The following B4GALNT4 variants were observed in gnomAD, a reference collection of about 807,000 sequenced individuals.
B4GALNT4 encodes the protein beta-1,4-N-acetyl-galactosaminyltransferase 4.
B4GALNT4 carries 77 observed loss-of-function variants against 110.0 expected under a neutral mutation model. The observed-to-expected ratio is 0.70, with a 90% CI of 0.58 to 0.85. The LOEUF (loss-of-function observed/expected upper bound fraction) is 0.85, where lower values mean the gene tolerates loss of function less well. Among genes scored for constraint, B4GALNT4 ranks in the 40% least tolerant of loss-of-function variants. The pLI is 0.00. For synonymous variants in B4GALNT4, 785 were observed against 655.5 expected (o/e 1.20, Z -3.02); for missense variants, 1,575 against 1,506.0 (o/e 1.05, Z -0.76).
Position 376,830 on chromosome 11 carries a change from A to G in B4GALNT4, c.1707A>G (p.Pro569=). 2 of 1,340,534 alleles carry G rather than the reference A, an allele frequency of 1.5e-6. No individual in the cohort carries two copies. Among genetic ancestry groups the G allele is most frequent in the South Asian group, 3.4e-5 (2 of 58,780 alleles). 83.0% of individuals were successfully genotyped at this position (1,340,534 alleles called of 1,614,324 possible). A position where few individuals can be genotyped will look rare whatever the true frequency, so the allele number is the denominator to read the frequency against. Reference sequence around the variant, plus strand: ...CCAGAGTGCAGCTGCGGGCGCCCCCACGCCCACCCCGGCCCCACGGCCGCA... The same window carrying G: ...CCAGAGTGCAGCTGCGGGCGCCCCCGCGCCCACCCCGGCCCCACGGCCGCA... The part of the protein sequence containing the change: ...PLPRVQLRAP[P]RPPRPHGRRT... Residue 569 remains proline, a synonymous_variant, in exon 14 of 20, where the codon CCA becomes CCG. Coordinates refer to ENST00000329962, the MANE Select transcript of B4GALNT4 (RefSeq NM_178537.5).
chr11:370,538 A>G (rs1311357923), intron 1 of B4GALNT4, among the ~76,000 whole-genome samples: 1 of 152,066 alleles, frequency 6.6e-6, no homozygotes, highest in Non-Finnish European at 1.5e-5. Context: ...AAACTCTCCC[A>G]ACCCCAACCC....
intron 14 of B4GALNT4, among the ~76,000 whole-genome samples, chr11:377,640 C>A (rs1024447203): frequency 6.6e-6 from 1 of 152,236 alleles, no homozygotes; most frequent in African/African-American, 2.4e-5. Context: ...TGAGTCCAAG[C>A]TGCAGAGATC....
Position 377,191 on chromosome 11 carries a change from G to C in B4GALNT4, c.2068G>C (p.Ala690Pro). The change falls in exon 14 of 20, where the codon GCC becomes CCC. Residue 690 changes from alanine (A) to proline (P), a missense_variant. Physicochemically the swap from Ala to Pro is conservative, Grantham distance 27. Transcript: ENST00000329962. ...CTGGCAGCGCACGTTCAGCGTGGGC[G>C]CCGTGGACTTCGAGCTGCTGCGCTC... ...IDWQRTFSVG[A>P]VDFELLRSDW... is the part of the protein sequence containing the mutation. 1 of 1,586,578 alleles carries C rather than the reference G, an allele frequency of 6.3e-7. No homozygotes were observed.
At position 379,625 on chromosome 11, in the gene B4GALNT4, C is replaced by T. The variant is rs772295611; in HGVS notation, c.2412C>T (p.Pro804=). 5 of 1,524,400 alleles carry T rather than the reference C, an allele frequency of 3.3e-6. No individual in the cohort carries two copies. The African/African-American group carries it at 5.6e-5, about 17-fold the overall frequency. The allele number at this position is 1,524,400 out of a possible 1,614,324, so 94.4% of individuals were successfully genotyped here. A position where few individuals can be genotyped will look rare whatever the true frequency, so the allele number is the denominator to read the frequency against. ...PEPAPAASVR[P]DGRPELCRPL... ...CCGCTCCCGCCGCCTCCGTGCGCCCCGACGGCCGCCCCGAGCTCTGCCGGC... is the reference window on the plus strand; with the variant it reads ...CCGCTCCCGCCGCCTCCGTGCGCCCTGACGGCCGCCCCGAGCTCTGCCGGC... Residue 804 remains proline, a synonymous_variant, in exon 15 of 20, where the codon CCC becomes CCT. Coordinates refer to ENST00000329962, the MANE Select transcript of B4GALNT4 (RefSeq NM_178537.5).
intron 18 of B4GALNT4, 46 bp downstream of exon 18, chr11:380,491 A>G: frequency 1.3e-6 from 2 of 1,540,856 alleles, no homozygotes; most frequent in East Asian, 4.9e-5. Flanking sequence ...GTTCCCACCA[A>G]CCGCCGCGGT....
rs141619740 is a variant in B4GALNT4, at chr11:373,135, C to T, written c.535+19C>T. The T allele has an allele frequency of 2.5e-3, 4,059 of 1,612,508 alleles. 5 individuals are homozygous for T. The highest frequency in any genetic ancestry group is 3.2e-3 in the Non-Finnish European group (3,742 of 1,179,826). On this transcript the variant is annotated intron_variant, in intron 5 of 19. Coordinates refer to ENST00000329962, the MANE Select transcript of B4GALNT4 (RefSeq NM_178537.5). ...AGGGACGGTACGGGGGTGAGGGTGC[C>T]CCGGGGGAGGGGTGCCGTGAGGCTC...
intron 8 of B4GALNT4, 35 bp downstream of exon 8, chr11:373,863 C>T: frequency 6.3e-7 from 1 of 1,597,146 alleles, no homozygotes; most frequent in Non-Finnish European, 8.6e-7. Context: ...CTTCTGGAGA[C>T]TCCACTCCCC....
chr11:373,403 A>ACTGGGGGGGG, intron 6 of B4GALNT4, 46 bp from the exon 7 acceptor site: 5 of 1,259,464 alleles, frequency 4.0e-6, no homozygotes, highest in South Asian at 1.2e-5. Context: ...CCAGGGAGAG[A>ACTGGGGGGGG]GTGAACCCCC....
chr11:376,810 G>A lies in B4GALNT4; in HGVS notation c.1687G>A (p.Val563Met). 1 of 1,363,362 alleles carries A rather than the reference G, an allele frequency of 7.3e-7. No individual in the cohort carries two copies. The highest frequency in any genetic ancestry group is 9.5e-7 in the Non-Finnish European group (1 of 1,056,818). The allele number at this position is 1,363,362 out of a possible 1,614,324, so 84.5% of individuals were successfully genotyped here. A position where few individuals can be genotyped will look rare whatever the true frequency, so the allele number is the denominator to read the frequency against. ...CCTGCACCCCAGGCCTCTGCCCAGA[G>A]TGCAGCTGCGGGCGCCCCCACGCCC... is the stretch of plus-strand genomic sequence containing the variant. ...VFLHPRPLPR[V>M]QLRAPPRPPR... Residue 563 changes from valine to methionine, a missense_variant, in exon 14 of 20, where the codon GTG (valine) becomes ATG (methionine). Physicochemically the swap from Val to Met is conservative, Grantham distance 21. Transcript: ENST00000329962.
In B4GALNT4 at chr11:375,491, G is replaced by C; in HGVS notation, c.814G>C (p.Glu272Gln). ...WRAFLPGLKF[E>Q]VISSAHISLY... ...AGCTTTCCTGCCCGGCCTGAAGTTC[G>C]AGGTCATCAGCTCTGCTCACATCTC... The change falls in exon 9 of 20, where the codon GAG (glutamate) becomes CAG (glutamine). Residue 272 changes from glutamate (E) to glutamine (Q), a missense_variant. By Grantham distance (29) the Glu-to-Gln change is conservative. Coordinates refer to ENST00000329962, the MANE Select transcript of B4GALNT4 (RefSeq NM_178537.5). The C allele has an allele frequency of 1.2e-6, 2 of 1,611,728 alleles. No homozygotes were observed. The highest frequency in any genetic ancestry group is 1.1e-5 in the South Asian group (1 of 91,078).
intron 14 of B4GALNT4, 104 bp from the exon 15 acceptor site, chr11:379,314 C>T: frequency 4.6e-6 from 6 of 1,306,586 alleles, no homozygotes; most frequent in Non-Finnish European, 6.0e-6. Flanking sequence ...CCGCAGCCTC[C>T]GCCAACTCCA....
chr11:380,718 AT>A (rs771365515), intron 18 of B4GALNT4, 106 bp from the exon 19 acceptor site: 539 of 1,566,820 alleles, frequency 3.4e-4, no homozygotes, highest in Non-Finnish European at 4.5e-4. Context: ...CCCCGTGGTG[AT>A]GGGACCCGGC....
chr11:371,191 A>T (rs1846612465), intron 1 of B4GALNT4, among the ~76,000 whole-genome samples: 1 of 152,148 alleles, frequency 6.6e-6, no homozygotes, highest in Non-Finnish European at 1.5e-5. Context: ...GCACCTGTAC[A>T]CTTGCTACCT....
Position 372,854 on chromosome 11 carries a change from C to T in B4GALNT4, c.351C>T (p.Tyr117=). ...THQTPPWREE[Y]KGQVNLHVFE... is the part of the protein sequence containing the mutation. ...AGGTAAGGCCCCCCCATCCCCAGTA[C>T]AAGGGGCAGGTGAACCTGCACGTGT... Residue 117 remains tyrosine, a splice_region_variant and synonymous_variant, in exon 4 of 20, where the codon TAC becomes TAT. Coordinates refer to ENST00000329962, the MANE Select transcript of B4GALNT4 (RefSeq NM_178537.5). 1 of 1,610,668 alleles carries T rather than the reference C, an allele frequency of 6.2e-7. No homozygotes were observed. Among genetic ancestry groups the T allele is most frequent in the South Asian group, 1.1e-5 (1 of 90,910 alleles).
At position 375,681 on chromosome 11, in the gene B4GALNT4, A is replaced by C; in HGVS notation, c.893A>C (p.Gln298Pro). Residue 298 changes from glutamine to proline, a missense_variant, in exon 10 of 20, where the codon CAG becomes CCG. Coordinates refer to ENST00000329962, the MANE Select transcript of B4GALNT4 (RefSeq NM_178537.5). The part of the protein sequence containing the change: ...LKMDHVAHVP[Q>P]SPASHVGGRP... ...ATGGACCACGTGGCGCACGTCCCCC[A>C]GTCTCCAGCCAGCCACGTGGGGGGG... is the stretch of plus-strand genomic sequence containing the variant. The C allele has an allele frequency of 6.3e-7, 1 of 1,594,036 alleles. No individual in the cohort carries two copies. The highest frequency in any genetic ancestry group is 2.2e-5 in the East Asian group (1 of 44,690).
At position 376,444 on chromosome 11, in the gene B4GALNT4, G is replaced by A. The variant is rs149273649; in HGVS notation, c.1321G>A (p.Gly441Arg). Residue 441 changes from glycine to arginine, a missense_variant, in exon 14 of 20, where the codon GGG becomes AGG. Physicochemically the swap from Gly to Arg is moderately radical, Grantham distance 125 (BLOSUM62 -2). Transcript: ENST00000329962. ...PDDFLDDEDEGELLDSLEPTE... is the reference protein window; with the variant it reads ...PDDFLDDEDERELLDSLEPTE... Reference sequence around the variant, plus strand: ...AGACTTCCTGGACGACGAGGACGAGGGGGAGCTGCTCGACAGCCTGGAGCC... The same window carrying A: ...AGACTTCCTGGACGACGAGGACGAGAGGGAGCTGCTCGACAGCCTGGAGCC... 1.5e-5 allele frequency: 24 copies of A among 1,596,392 alleles called. 1 individual carries two copies. The African/African-American group carries it at 2.9e-4, about 20-fold the overall frequency.
At position 379,573 on chromosome 11, in the gene B4GALNT4, G is replaced by T. The variant is rs1316787870; in HGVS notation, c.2360G>T (p.Gly787Val). 1.3e-6 allele frequency: 2 copies of T among 1,587,572 alleles called. No individual in the cohort carries two copies. The highest frequency in any genetic ancestry group is 2.2e-5 in the South Asian group (2 of 89,608). ...VFLRLPGARV[G>V]DADGESPEPA... is the part of the protein sequence containing the mutation. ...CTGCGGCTGCCGGGAGCCCGCGTAG[G>T]GGATGCAGACGGAGAAAGTCCCGAA... is the stretch of plus-strand genomic sequence containing the variant. The change falls in exon 15 of 20, where the codon GGG (glycine) becomes GTG (valine). Residue 787 changes from glycine to valine, a missense_variant. Coordinates refer to ENST00000329962, the MANE Select transcript of B4GALNT4 (RefSeq NM_178537.5).
chr11:372,898 G>T lies in B4GALNT4; in HGVS notation c.395G>T (p.Gly132Val). 1 of 1,612,258 alleles carries T rather than the reference G, an allele frequency of 6.2e-7. No homozygotes were observed. Residue 132 changes from glycine (G) to valine (V), a missense_variant, in exon 4 of 20, where the codon GGC becomes GTC. Gly to Val is a moderately radical substitution (Grantham distance 109). Coordinates refer to ENST00000329962, the MANE Select transcript of B4GALNT4 (RefSeq NM_178537.5). ...CACGTGTTTGAGGACTGGTGTGGGG[G>T]CGCCGTGGGCCACCTGAGGAGGAAC... Reference protein sequence around the residue: ...NLHVFEDWCGGAVGHLRRNLH... With the variant: ...NLHVFEDWCGVAVGHLRRNLH...
rs776748101 is a variant in B4GALNT4, at chr11:373,525, C to G, written c.704+9C>G. On this transcript the variant is annotated intron_variant, in intron 7 of 19. Coordinates refer to ENST00000329962, the MANE Select transcript of B4GALNT4 (RefSeq NM_178537.5). ...GTGTCCAAGCCCAGGCGGTGAGTGACTGTGGGGTGCATGTGCGTGCACTTG... is the reference window on the plus strand; with the variant it reads ...GTGTCCAAGCCCAGGCGGTGAGTGAGTGTGGGGTGCATGTGCGTGCACTTG... 3 of 1,611,004 alleles carry G rather than the reference C, an allele frequency of 1.9e-6. No individual in the cohort carries two copies. Among genetic ancestry groups the G allele is most frequent in the Admixed American group, 1.7e-5 (1 of 59,918 alleles).
Sources: gnomAD v4.1 joint callset for allele counts (sites outside exome capture counted in the v4.1 genomes callset) on GRCh38, gnomAD v4.1.1 for gene constraint, MANE v1.5 for transcripts, NCBI Gene and HGNC (gene_info 2026-07-23, HGNC 2026-07-21) for gene names.